Variants in CLDN14 observed in about 807,000 individuals in gnomAD.
CLDN14 encodes claudin 14.
In CLDN14, 2 loss-of-function variants were observed where a neutral mutation model predicts 2.1. That is an observed-to-expected ratio of 0.96 (90% CI 0.39 to 3.01). CLDN14 has a LOEUF of 3.01. CLDN14 is among the 30% of genes most tolerant of loss of function. CLDN14 has a pLI of 0.09. For synonymous variants in CLDN14, 136 were observed against 154.4 expected, an observed-to-expected ratio of 0.88 and a Z score of 0.88; for missense variants, 298 against 328.0, an observed-to-expected ratio of 0.91 and a Z score of 0.71.
chr21:36,476,212 T>TA (rs973092385), intron 1 of CLDN14, among the ~76,000 whole-genome samples: 1 of 152,140 alleles, frequency 6.6e-6, no homozygotes, highest in Non-Finnish European at 1.5e-5. Flanking sequence ...GCTACAATCT[T>TA]ACCTTCCCTC....
chr21:36,523,852 G>A (rs577247967), intron 1 of CLDN14, among the ~76,000 whole-genome samples: 2 of 150,652 alleles, frequency 1.3e-5, no homozygotes, highest in Admixed American at 1.3e-4. Flanking sequence ...AGTGGATTCG[G>A]CACCATCCCT....
Position 36,461,106 on chromosome 21 carries a change from GGGGCCTGGTA to G in CLDN14, c.580_589del (p.Tyr194ArgfsTer29). Reference sequence around the variant, plus strand: ...TGCAGTGGTCGTGGTGGCCCTGGGCGGGGCCTGGTAGGGCCTGTAGGGTGCCTCGTCCTGG... The same window carrying G: ...TGCAGTGGTCGTGGTGGCCCTGGGCGGGGCCTGTAGGGTGCCTCGTCCTGG... On this transcript the variant is annotated frameshift_variant, in exon 2 of 2. Transcript: ENST00000399135. LOFTEE classifies it low-confidence loss of function (END_TRUNC). 1 of 1,614,166 alleles carries G rather than the reference GGGGCCTGGTA, an allele frequency of 6.2e-7. No individual in the cohort carries two copies. Among genetic ancestry groups the G allele is most frequent in the Non-Finnish European group, 8.5e-7 (1 of 1,180,004 alleles).
chr21:36,492,673 C>T (rs2086980233), intron 2 of CLDN14, among the ~76,000 whole-genome samples: 1 of 152,056 alleles, frequency 6.6e-6, no homozygotes, highest in Non-Finnish European at 1.5e-5. Flanking sequence ...GTTATACTGG[C>T]TTCCAATGGC....
intron 1 of CLDN14, among the ~76,000 whole-genome samples, chr21:36,572,152 G>A (rs1025850705): frequency 6.6e-6 from 1 of 152,152 alleles, no homozygotes; most frequent in East Asian, 1.9e-4. Context: ...GATGCTCTCT[G>A]GGCTTGTTAT....
chr21:36,559,034 G>A (rs2087616484), intron 1 of CLDN14, among the ~76,000 whole-genome samples: 2 of 152,140 alleles, frequency 1.3e-5, no homozygotes, highest in South Asian at 4.1e-4. Flanking sequence ...TAGAAGTGGT[G>A]AGAATGGGCA....
rs35491523 is a variant in CLDN14 at position 36,540,125 on chromosome 21, G to GGT, written c.-219-29627_-219-29626dup. ...TGTGAAGTGAGTGTGTGTGGTGTGT[G>GGT]GTGTGTGTGTGTTTATACAGTCATC... is the stretch of plus-strand genomic sequence containing the variant. On this transcript the variant is annotated intron_variant, in intron 1 of 2. Transcript: ENST00000342108. 2.6e-3 allele frequency among the ~76,000 whole-genome samples: 386 copies of GGT among 151,320 alleles called. 2 individuals carry two copies. Among genetic ancestry groups the GGT allele is most frequent in the South Asian group, 8.2e-3 (39 of 4,774 alleles).
intron 1 of CLDN14, among the ~76,000 whole-genome samples, chr21:36,570,590 G>A (rs1324587460): frequency 6.7e-6 from 1 of 150,080 alleles, no homozygotes; most frequent in African/African-American, 2.4e-5. Context: ...GTAAATGAAT[G>A]TATTCTTATT....
chr21:36,523,609 G>C (rs891641422), intron 1 of CLDN14, among the ~76,000 whole-genome samples: 1 of 151,456 alleles, frequency 6.6e-6, no homozygotes, highest in Non-Finnish European at 1.5e-5. Flanking sequence ...TTAGCCATGC[G>C]TGGTGGTGTG....
intron 1 of CLDN14, among the ~76,000 whole-genome samples, chr21:36,534,944 G>C (rs2087412498): frequency 6.6e-6 from 1 of 152,162 alleles, no homozygotes; most frequent in Non-Finnish European, 1.5e-5. Context: ...AAGGGTTGTG[G>C]CAAGCCATTG....
chr21:36,509,482 A>G (rs2087165292), intron 2 of CLDN14, among the ~76,000 whole-genome samples: 1 of 152,200 alleles, frequency 6.6e-6, no homozygotes, highest in Admixed American at 6.5e-5. Context: ...TCCCATGGAG[A>G]AGATACATAT....
In CLDN14 at chr21:36,518,618, C is replaced by CA. The variant is rs1555850879; in HGVS notation, c.-219-8119dup. Among the ~76,000 whole-genome samples, 768 of 133,994 alleles carry CA rather than the reference C, an allele frequency of 5.7e-3. 6 individuals carry two copies. The highest frequency in any genetic ancestry group is 0.01 in the Admixed American group (139 of 13,724). The allele number at this position is 133,994 out of a possible 152,430, so 87.9% of individuals were successfully genotyped here. A position where few individuals can be genotyped will look rare whatever the true frequency, so the allele number is the denominator to read the frequency against. The stretch of plus-strand genomic sequence containing the variant: ...TGTCTCAAACAAACAAACAAACAAA[C>CA]AACAACAACAAAATTTACACTTCTG... On this transcript the variant is annotated intron_variant, in intron 1 of 2. Coordinates refer to the CLDN14 transcript ENST00000342108.
intron 1 of CLDN14, among the ~76,000 whole-genome samples, chr21:36,565,421 CT>C (rs35387904): frequency 1.3e-4 from 20 of 149,726 alleles, no homozygotes; most frequent in East Asian, 5.9e-4. Context: ...TTTCCCAAAT[CT>C]TTTTTTTTTT....
rs534909422 is a variant in CLDN14, at chr21:36,533,232, G to A, written c.-219-22732C>T. 3.3e-5 allele frequency among the ~76,000 whole-genome samples: 5 copies of A among 152,316 alleles called. No homozygotes were observed. The South Asian group carries it at 8.3e-4, about 25-fold the overall frequency. On this transcript the variant is annotated intron_variant, in intron 1 of 2. Transcript: ENST00000342108. ...GGGAAGAGGACCTGGGAATGCCAGG[G>A]TCCAGCCAGGCAGAGAGTGGCTGGA...
chr21:36,472,336 G>C (rs1187987675), intron 1 of CLDN14, among the ~76,000 whole-genome samples: 1 of 152,214 alleles, frequency 6.6e-6, no homozygotes, highest in African/African-American at 2.4e-5. Flanking sequence ...TGAGACACAG[G>C]TGCCTAAGGT....
chr21:36,481,157 T>C (rs2086841618), upstream of CLDN14: 3 of 152,216 alleles, frequency 2.0e-5, no homozygotes, highest in Admixed American at 6.5e-5. Context: ...CCACCAGATA[T>C]ACTATTTCAC....
chr21:36,515,767 C>A (rs1468593423), intron 1 of CLDN14, among the ~76,000 whole-genome samples: 3 of 148,422 alleles, frequency 2.0e-5, no homozygotes, highest in South Asian at 2.1e-4. Context: ...GTGTGCTAAG[C>A]TGTGTTTCCC....
chr21:36,567,393 C>A (rs1307749364), intron 1 of CLDN14, among the ~76,000 whole-genome samples: 3 of 152,194 alleles, frequency 2.0e-5, no homozygotes, highest in African/African-American at 7.2e-5. Context: ...CCAAGGGGAG[C>A]CAACCGCAGA....
At position 36,499,896 on chromosome 21, in the gene CLDN14, G is replaced by T. The variant is rs1270618819; in HGVS notation, c.-82+10467C>A. The stretch of plus-strand genomic sequence containing the variant: ...ATCAGGGGGCTGGTGGAGAAAATCG[G>T]GGGGTCTCCGGAGCAACCCCGGGAG... On this transcript the variant is annotated intron_variant, in intron 2 of 2. Transcript: ENST00000342108. This position sits in a 1 kb window ranked among gnomAD's most constrained non-coding sequence, Gnocchi z 4.7. Among the ~76,000 whole-genome samples, 1 of 152,062 alleles carries T rather than the reference G, an allele frequency of 6.6e-6. No homozygotes were observed. The highest frequency in any genetic ancestry group is 6.5e-5 in the Admixed American group (1 of 15,268).
intron 2 of CLDN14, among the ~76,000 whole-genome samples, chr21:36,495,011 G>A (rs558568707): frequency 1.1e-4 from 17 of 152,254 alleles, no homozygotes; most frequent in Admixed American, 9.2e-4. Context: ...CCTGGGTGGA[G>A]GAACAAATCC....
Sources: allele counts gnomAD v4.1 joint callset (sites outside exome capture counted in the v4.1 genomes callset), GRCh38; gene constraint gnomAD v4.1.1; non-coding constraint Gnocchi (gnomAD v3.1); transcripts MANE v1.5; gene names NCBI Gene and HGNC (gene_info 2026-07-23, HGNC 2026-07-21).